The following CEP41 variants were observed in gnomAD, a reference collection of about 807,000 sequenced individuals.
The protein encoded by CEP41 is centrosomal protein of 41 kDa.
A neutral mutation model predicts 44.3 loss-of-function variants in CEP41; 32 were observed. The ratio of observed to expected loss-of-function variants is 0.72; its 90% CI spans 0.54 to 0.97. The LOEUF is 0.97. CEP41 is among the 50% of genes least tolerant of loss of function. The pLI, the probability that CEP41 is intolerant of heterozygous loss-of-function variation, is 0.00. For synonymous variants in CEP41, 151 were observed against 168.5 expected (o/e 0.90, Z 0.80); for missense variants, 432 against 455.2 (o/e 0.95, Z 0.46).
chr7:130,415,085 T>C (rs1797295029), intron 3 of CEP41, among the ~76,000 whole-genome samples: 1 of 152,176 alleles, frequency 6.6e-6, no homozygotes, highest in South Asian at 2.1e-4. Flanking sequence ...AGAGTGTCTA[T>C]TTTCCCCAGG....
upstream of CEP41, chr7:130,441,294 G>A: frequency 2.2e-6 from 1 of 458,444 alleles, no homozygotes; most frequent in Non-Finnish European, 4.0e-6. Flanking sequence ...CAAAGCCGGG[G>A]GCGGGGGCAG....
At chr7:130,420,781 AT>A in intron 2 of CEP41, 2 of 556,576 alleles carry the variant, frequency 3.6e-6, no homozygotes, top group Non-Finnish European at 4.6e-6. Flanking sequence ...CAATAAATAA[AT>A]AAATAAATAA....
intron 10 of CEP41, chr7:130,399,832 A>AAT: frequency 1.8e-6 from 1 of 544,134 alleles, no homozygotes; most frequent in East Asian, 3.3e-5. Flanking sequence ...AAAAAAAAAA[A>AAT]GTCGCTATGT....
At chr7:130,407,538 C>T (rs1797052363) in intron 5 of CEP41, among the ~76,000 whole-genome samples, 1 of 151,870 alleles carries the variant, frequency 6.6e-6, no homozygotes. Flanking sequence ...TAATAGAAAA[C>T]ATGGAAAAGA....
chr7:130,428,732 T>C (rs1554424364), intron 1 of CEP41, among the ~76,000 whole-genome samples: 1 of 151,748 alleles, frequency 6.6e-6, no homozygotes, highest in African/African-American at 2.4e-5. Flanking sequence ...GCCAACATGG[T>C]GAAACCCCTT....
At chr7:130,421,134 T>C (rs1055089911) in intron 2 of CEP41, 71 of 985,346 alleles carry the variant, frequency 7.2e-5, no homozygotes, top group Non-Finnish European at 8.4e-5. Context: ...ATAGCAACAG[T>C]GCTGTGCAAA....
At position 130,423,008 on chromosome 7, in the gene CEP41, G is replaced by A. The variant is rs144260502; in HGVS notation, c.97+4947C>T. Among the ~76,000 whole-genome samples the A allele has an allele frequency of 2.7e-3, 417 of 152,250 alleles. 3 individuals carry two copies. Among genetic ancestry groups the A allele is most frequent in the African/African-American group, 9.5e-3 (393 of 41,534 alleles). On this transcript the variant is annotated intron_variant, in intron 2 of 10. Coordinates refer to ENST00000223208, the MANE Select transcript of CEP41 (RefSeq NM_018718.3). ...GTCACCGAGGCTGGAGTGCAGTAGC[G>A]CCTTCTTGGCTCACTGCAGCCCCCG...
intron 5 of CEP41, among the ~76,000 whole-genome samples, chr7:130,410,613 G>A (rs1554419392): frequency 6.6e-6 from 1 of 152,150 alleles, no homozygotes; most frequent in Non-Finnish European, 1.5e-5. Flanking sequence ...GCTTAAGTAA[G>A]AAAATTCATG....
rs1335462383 is a variant in CEP41 at position 130,394,220 on chromosome 7, G to T, written c.*4671C>A. ...TGAAAGAACACCCTCTGGAGCCACA[G>T]TTCTCAGGCTGGCTCCTGGCTTTTC... On this transcript the variant is annotated 3_prime_UTR_variant, in exon 11 of 11. Coordinates refer to ENST00000223208, the MANE Select transcript of CEP41 (RefSeq NM_018718.3). 1 of 453,992 alleles carries T rather than the reference G, an allele frequency of 2.2e-6. No homozygotes were observed. The highest frequency in any genetic ancestry group is 2.0e-5 in the African/African-American group (1 of 50,012). 28.1% of individuals were successfully genotyped at this position (453,992 alleles called of 1,614,324 possible).
At chr7:130,429,430 C>T (rs1797762230) in intron 1 of CEP41, among the ~76,000 whole-genome samples, 1 of 152,188 alleles carries the variant, frequency 6.6e-6, no homozygotes, top group Non-Finnish European at 1.5e-5. Context: ...TTGTGAAAGC[C>T]ATTAAGTGAG....
chr7:130,399,228 G>A (rs781825824), intron 10 of CEP41, 189 bp from the exon 11 acceptor site: 8 of 680,460 alleles, frequency 1.2e-5, no homozygotes, highest in Non-Finnish European at 2.0e-5. Context: ...AGGTGGGGAG[G>A]GGGACAGAAA....
Position 130,402,673 on chromosome 7 carries a change from A to G in CEP41, c.549T>C (p.Ser183=). 6.2e-7 allele frequency: 1 copy of G among 1,614,170 alleles called. No individual in the cohort carries two copies. The highest frequency in any genetic ancestry group is 8.5e-7 in the Non-Finnish European group (1 of 1,180,018). Residue 183 remains serine, a synonymous_variant, in exon 7 of 11, where the codon TCT becomes TCC. Transcript: ENST00000223208. ...CTCCAACAATGTGGCACTGCTGGTA[A>G]GAATCTCTATCACGCACATCTAGCA... ...FLLLDVRDRD[S]YQQCHIVGAY...
chr7:130,411,038 G>A, intron 5 of CEP41, 84 bp downstream of exon 5: 2 of 1,199,488 alleles, frequency 1.7e-6, no homozygotes, highest in Admixed American at 1.7e-5. Flanking sequence ...CAGTCCCTGG[G>A]AACAGACAGC....
chr7:130,414,567 GATTA>G (rs1753273787), intron 3 of CEP41, among the ~76,000 whole-genome samples: 2 of 152,146 alleles, frequency 1.3e-5, no homozygotes, highest in South Asian at 4.1e-4. Context: ...ACTAAACAAA[GATTA>G]ATTTAAACAA....
At chr7:130,434,444 T>C (rs1797906328) in intron 1 of CEP41, among the ~76,000 whole-genome samples, 1 of 152,150 alleles carries the variant, frequency 6.6e-6, no homozygotes, top group South Asian at 2.1e-4. Flanking sequence ...AAAGCACATA[T>C]CTGACAAAGG....
In CEP41 at chr7:130,416,900, C is replaced by CT. The variant is rs781878574; in HGVS notation, c.145+18_145+19insA. On this transcript the variant is annotated intron_variant, in intron 3 of 10. Transcript: ENST00000223208. ...ACTATAGACTTCCACTCTCCCAAACCATCAAGAGTGTTACTTACTTTTCTT... is the reference window on the plus strand; with the variant it reads ...ACTATAGACTTCCACTCTCCCAAACCTATCAAGAGTGTTACTTACTTTTCTT... 1.3e-6 allele frequency: 2 copies of CT among 1,563,016 alleles called. No homozygotes were observed. Among genetic ancestry groups the CT allele is most frequent in the Non-Finnish European group, 1.8e-6 (2 of 1,133,456 alleles).
intron 5 of CEP41, among the ~76,000 whole-genome samples, chr7:130,405,097 C>T (rs967182925): frequency 3.9e-5 from 6 of 152,176 alleles, no homozygotes; most frequent in Non-Finnish European, 7.3e-5. Context: ...GGCAGTCACA[C>T]TACAAGAAGG....
At position 130,412,253 on chromosome 7, in the gene CEP41, G is replaced by A. The variant is rs782677555; in HGVS notation, c.146-13C>T. On this transcript the variant is annotated splice_polypyrimidine_tract_variant and intron_variant, in intron 3 of 10. Transcript: ENST00000223208. ...TTGTATCTATAATCTGAAAAATATG[G>A]TAAGACAAGTATTTATCTATTTTGC... 7.8e-7 allele frequency: 1 copy of A among 1,289,886 alleles called. No homozygotes were observed. Among genetic ancestry groups the A allele is most frequent in the Non-Finnish European group, 1.1e-6 (1 of 884,778 alleles). 79.9% of individuals were successfully genotyped at this position (1,289,886 alleles called of 1,614,324 possible).
In CEP41 at chr7:130,416,593, T is replaced by C. The variant is rs75877524; in HGVS notation, c.145+326A>G. ...AAAATAAGACAGAAAAGATGAAATA[T>C]CTTGAAGAAGGGCATGAAGACTGCA... On this transcript the variant is annotated intron_variant, in intron 3 of 10. Coordinates refer to ENST00000223208, the MANE Select transcript of CEP41 (RefSeq NM_018718.3). 1.8e-3 allele frequency among the ~76,000 whole-genome samples: 281 copies of C among 152,316 alleles called. 2 individuals are homozygous for C. Among genetic ancestry groups the C allele is most frequent in the East Asian group, 6.5e-3 (34 of 5,194 alleles).
Sources: allele counts gnomAD v4.1 joint callset (sites outside exome capture counted in the v4.1 genomes callset), GRCh38; gene constraint gnomAD v4.1.1; transcripts MANE v1.5; gene names NCBI Gene and HGNC (gene_info 2026-07-23, HGNC 2026-07-21).